The following APLF variants were observed in gnomAD, a reference collection of about 807,000 sequenced individuals.
APLF encodes the protein aprataxin and PNKP like factor.
Under a neutral mutation model 55.6 loss-of-function variants are expected in APLF, and 61 were observed. The ratio of observed to expected loss-of-function variants is 1.10; its 90% CI spans 0.89 to 1.36. The LOEUF (loss-of-function observed/expected upper bound fraction) is 1.36. Among genes scored for constraint, APLF ranks in the 40% most tolerant of loss-of-function variants. The probability of loss-of-function intolerance (pLI) is 0.00; values close to 1 mark genes in which losing one functional copy is unlikely to be tolerated. For missense variants in APLF, 611 were observed against 602.5 expected, an observed-to-expected ratio of 1.01 and a Z score of -0.15; for synonymous variants, 207 against 214.8, an observed-to-expected ratio of 0.96 and a Z score of 0.32.
chr2:68,577,071 A>G (rs116734802), intron 9 of APLF, among the ~76,000 whole-genome samples: 236 of 152,306 alleles, frequency 1.5e-3, no homozygotes, highest in African/African-American at 5.3e-3. Flanking sequence ...TCTAATGTCT[A>G]TTATTATGGC....
intron 1 of APLF, among the ~76,000 whole-genome samples, chr2:68,474,448 A>G (rs1454347299): frequency 6.6e-6 from 1 of 152,202 alleles, no homozygotes; most frequent in East Asian, 1.9e-4. Flanking sequence ...ATTAGCATAC[A>G]AAAAGACATC....
intron 7 of APLF, among the ~76,000 whole-genome samples, chr2:68,542,026 C>G (rs1024878727): frequency 2.6e-5 from 4 of 152,010 alleles, no homozygotes; most frequent in African/African-American, 9.7e-5. Context: ...GGTCTCAAGA[C>G]AAATCAAAGA....
chr2:68,507,143 A>G (rs1388733179), intron 3 of APLF, among the ~76,000 whole-genome samples: 1 of 151,904 alleles, frequency 6.6e-6, no homozygotes, highest in Non-Finnish European at 1.5e-5. Flanking sequence ...ATACACAAGT[A>G]TTTATATTCA....
chr2:68,492,075 T>C (rs942133488), intron 2 of APLF, among the ~76,000 whole-genome samples: 1 of 152,220 alleles, frequency 6.6e-6, no homozygotes, highest in African/African-American at 2.4e-5. Flanking sequence ...GACATTTATA[T>C]TTTAAAATGT....
chr2:68,501,245 G>T (rs1201460559), intron 2 of APLF, among the ~76,000 whole-genome samples: 1 of 152,102 alleles, frequency 6.6e-6, no homozygotes, highest in Non-Finnish European at 1.5e-5. Flanking sequence ...AGAACTAGGT[G>T]GATTATATTC....
chr2:68,485,616 C>G lies in APLF; in HGVS notation c.97-4574C>G, dbSNP rs116067751. On this transcript the variant is annotated intron_variant, in intron 1 of 9. Coordinates refer to ENST00000303795, the MANE Select transcript of APLF (RefSeq NM_173545.3). Reference sequence around the variant, plus strand: ...GTTGGGAAATAAACATCCTTTTATCCGTTCCTAACTTAATTTTTACATTGA... The same window carrying G: ...GTTGGGAAATAAACATCCTTTTATCGGTTCCTAACTTAATTTTTACATTGA... Among the ~76,000 whole-genome samples, 31 of 152,078 alleles carry G rather than the reference C, an allele frequency of 2.0e-4. No homozygotes were observed. The East Asian group carries it at 6.0e-3, about 29-fold the overall frequency.
In APLF at chr2:68,573,672, C is replaced by CAAA. The variant is rs67959075; in HGVS notation, c.1334-4131_1334-4129dup. On this transcript the variant is annotated intron_variant, in intron 9 of 9. Transcript: ENST00000303795. ...TGGGCAACAAAGCGAGACCTTGTCT[C>CAAA]AAAAAAAAAAAAAAAAAAAGTAATT... Among the ~76,000 whole-genome samples, 81 of 93,012 alleles carry CAAA rather than the reference C, an allele frequency of 8.7e-4. 1 individual carries two copies. Among genetic ancestry groups the CAAA allele is most frequent in the African/African-American group, 2.2e-3 (60 of 26,964 alleles). The allele number at this position is 93,012 out of a possible 152,430, so 61.0% of individuals were successfully genotyped here. A position where few individuals can be genotyped will look rare whatever the true frequency, so the allele number is the denominator to read the frequency against.
intron 2 of APLF, among the ~76,000 whole-genome samples, chr2:68,491,995 T>C (rs956213652): frequency 3.9e-5 from 6 of 152,252 alleles, no homozygotes; most frequent in Non-Finnish European, 7.3e-5. Flanking sequence ...AATAGGTGAT[T>C]AGAAAACCGT....
At chr2:68,503,697 G>T (rs1255166627) in intron 3 of APLF, among the ~76,000 whole-genome samples, 2 of 152,078 alleles carry the variant, frequency 1.3e-5, no homozygotes, top group Non-Finnish European at 2.9e-5. Context: ...TTTGTGAGAT[G>T]CAGCTAAATT....
chr2:68,542,311 T>C (rs910029873), intron 7 of APLF, among the ~76,000 whole-genome samples: 2 of 150,072 alleles, frequency 1.3e-5, no homozygotes, highest in African/African-American at 5.1e-5. Context: ...TTGGACTTTT[T>C]AAAGTTAAAA....
At position 68,490,197 on chromosome 2, in the gene APLF, A is replaced by C; in HGVS notation, c.104A>C (p.Asp35Ala). The C allele has an allele frequency of 6.2e-7, 1 of 1,608,742 alleles. No homozygotes were observed. The highest frequency in any genetic ancestry group is 8.5e-7 in the Non-Finnish European group (1 of 1,178,408). ...IGRGPLLGIT[D>A]KRVSRRHAIL... ...AATTTTTTTACTGTATAGATAACAG[A>C]CAAGAGAGTATCCAGAAGACATGCC... The change falls in exon 2 of 10, where the codon GAC becomes GCC. Residue 35 changes from aspartate to alanine, a missense_variant. Asp to Ala is a moderately radical substitution (Grantham distance 126). Coordinates refer to ENST00000303795, the MANE Select transcript of APLF (RefSeq NM_173545.3).
At chr2:68,540,051 G>A (rs773049069) in intron 7 of APLF, among the ~76,000 whole-genome samples, 2 of 152,108 alleles carry the variant, frequency 1.3e-5, no homozygotes, top group Non-Finnish European at 2.9e-5. Flanking sequence ...GAACGTGCAG[G>A]TTTGTTATAT....
At chr2:68,536,044 G>A (rs1014351579) in intron 6 of APLF, among the ~76,000 whole-genome samples, 1 of 152,172 alleles carries the variant, frequency 6.6e-6, no homozygotes, top group Non-Finnish European at 1.5e-5. Flanking sequence ...AAACTGGGGA[G>A]AACTGACCCA....
At chr2:68,572,701 G>A (rs961678053) in intron 9 of APLF, among the ~76,000 whole-genome samples, 7 of 152,064 alleles carry the variant, frequency 4.6e-5, no homozygotes, top group Admixed American at 2.0e-4. Context: ...ACCAGTTGTG[G>A]TGATGGGCAC....
chr2:68,521,862 A>G (rs1177361330), intron 5 of APLF, among the ~76,000 whole-genome samples: 1 of 152,000 alleles, frequency 6.6e-6, no homozygotes, highest in African/African-American at 2.4e-5. Flanking sequence ...GATTATAAAT[A>G]TTGAGCATTT....
chr2:68,501,705 T>C (rs539594281), intron 2 of APLF, among the ~76,000 whole-genome samples: 15 of 152,342 alleles, frequency 9.8e-5, no homozygotes, highest in African/African-American at 3.4e-4. Flanking sequence ...GAGATCTGTT[T>C]ACTACTTTGA....
In APLF at chr2:68,550,207, T is replaced by A. The variant is rs1173630365; in HGVS notation, c.1286+4895T>A. Among the ~76,000 whole-genome samples the A allele has an allele frequency of 2.0e-5, 3 of 152,136 alleles. No homozygotes were observed. The East Asian group carries it at 5.8e-4, about 29-fold the overall frequency. ...TTATTTTTAATCCAGTCTGATAGTA[T>A]CTGTGTTTTAGGTGGAATACTTAGT... On this transcript the variant is annotated intron_variant, in intron 8 of 9. Coordinates refer to ENST00000303795, the MANE Select transcript of APLF (RefSeq NM_173545.3).
chr2:68,498,697 T>A (rs1676631878), intron 2 of APLF, among the ~76,000 whole-genome samples: 1 of 152,240 alleles, frequency 6.6e-6, no homozygotes, highest in Non-Finnish European at 1.5e-5. Flanking sequence ...ATGATGATGT[T>A]CTTTGTAAAT....
intron 1 of APLF, among the ~76,000 whole-genome samples, chr2:68,487,352 C>T (rs1206551466): frequency 6.6e-6 from 1 of 152,076 alleles, no homozygotes; most frequent in African/African-American, 2.4e-5. Flanking sequence ...TGCAATACAA[C>T]GTTAAGAGCA....
Sources: allele counts gnomAD v4.1 joint callset (sites outside exome capture counted in the v4.1 genomes callset), GRCh38; gene constraint gnomAD v4.1.1; transcripts MANE v1.5; gene names NCBI Gene and HGNC (gene_info 2026-07-23, HGNC 2026-07-21).